The following TENM4 variants were observed in gnomAD, a reference collection of about 807,000 sequenced individuals.
The protein encoded by TENM4 is teneurin transmembrane protein 4.
In TENM4, 82 loss-of-function variants were observed where a neutral mutation model predicts 243.3. That is an observed-to-expected ratio of 0.34 (90% CI 0.28 to 0.40). The LOEUF (loss-of-function observed/expected upper bound fraction) is 0.40, where lower values mean the gene tolerates loss of function less well. Ranked by LOEUF, TENM4 falls within the 10% of genes least tolerant of loss-of-function variation. The probability of loss-of-function intolerance (pLI) is 1.00; values close to 1 mark genes in which losing one functional copy is unlikely to be tolerated. For synonymous variants in TENM4, 1,412 were observed against 1,456.3 expected, an observed-to-expected ratio of 0.97 and a Z score of 0.69; for missense variants, 3,138 against 3,673.3, an observed-to-expected ratio of 0.85 and a Z score of 3.77.
At chr11:79,393,809 C>T (rs1037919203) in intron 1 of TENM4, among the ~76,000 whole-genome samples, 3 of 152,206 alleles carry the variant, frequency 2.0e-5, no homozygotes, top group African/African-American at 7.2e-5. Flanking sequence ...GTGCGTGCTA[C>T]AGTCAGCAGG....
chr11:78,666,246 G>A (rs1858157586), intron 32 of TENM4, among the ~76,000 whole-genome samples: 1 of 152,190 alleles, frequency 6.6e-6, no homozygotes, highest in Admixed American at 6.5e-5. Context: ...TGTAGGATAT[G>A]ACCCACTATG....
chr11:79,332,620 C>A (rs1047187114), intron 1 of TENM4, among the ~76,000 whole-genome samples: 1 of 152,118 alleles, frequency 6.6e-6, no homozygotes, highest in African/African-American at 2.4e-5. Context: ...CCCATCTCAC[C>A]CATTGCTTCA....
At chr11:79,070,376 C>A (rs1860381517) in intron 4 of TENM4, among the ~76,000 whole-genome samples, 1 of 152,154 alleles carries the variant, frequency 6.6e-6, no homozygotes, top group African/African-American at 2.4e-5. Flanking sequence ...TGACCCAGCT[C>A]TGGCCCAGGG....
intron 12 of TENM4, among the ~76,000 whole-genome samples, chr11:78,832,528 A>T (rs1858007824): frequency 6.6e-6 from 1 of 152,280 alleles, no homozygotes; most frequent in Non-Finnish European, 1.5e-5. Context: ...GGCTTTAAAA[A>T]GTAAAATCTA....
At chr11:79,044,893 C>T (rs764496030) in intron 6 of TENM4, among the ~76,000 whole-genome samples, 14 of 152,142 alleles carry the variant, frequency 9.2e-5, no homozygotes, top group Admixed American at 1.3e-4. Context: ...GTGAATAAAG[C>T]GAATAAGGTG....
At chr11:78,738,330 A>G (rs1855846306) in intron 20 of TENM4, 121 bp downstream of exon 20, 2 of 1,343,714 alleles carry the variant, frequency 1.5e-6, no homozygotes, top group East Asian at 5.1e-5. Context: ...TGGGCATTTG[A>G]ATTCAGGCCC....
At chr11:78,781,335 C>T (rs1856833591) in intron 16 of TENM4, among the ~76,000 whole-genome samples, 1 of 152,134 alleles carries the variant, frequency 6.6e-6, no homozygotes, top group Non-Finnish European at 1.5e-5. Flanking sequence ...CAGTAGGCAT[C>T]TTTTCTCTTG....
intron 2 of TENM4, among the ~76,000 whole-genome samples, chr11:79,259,214 G>A (rs534577219): frequency 6.6e-6 from 1 of 152,184 alleles, no homozygotes; most frequent in East Asian, 1.9e-4. Context: ...GCTTGGTCAA[G>A]GATCAAATAA....
intron 6 of TENM4, among the ~76,000 whole-genome samples, chr11:78,979,728 T>C (rs559425376): frequency 6.8e-6 from 1 of 147,376 alleles, no homozygotes; most frequent in East Asian, 1.9e-4. Flanking sequence ...GGGATGGTGG[T>C]AAACAAATGA....
chr11:79,317,915 A>T (rs1856828734), intron 1 of TENM4, among the ~76,000 whole-genome samples: 1 of 152,098 alleles, frequency 6.6e-6, no homozygotes, highest in Non-Finnish European at 1.5e-5. Context: ...GTGGATGGTC[A>T]CTCACAGAGA....
At chr11:79,210,568 C>T (rs1393886206) in intron 3 of TENM4, among the ~76,000 whole-genome samples, 1 of 152,128 alleles carries the variant, frequency 6.6e-6, no homozygotes, top group Non-Finnish European at 1.5e-5. Context: ...CGGTCATGGG[C>T]CTTGAAAGAG....
chr11:79,318,973 C>A (rs1322466703), intron 1 of TENM4, among the ~76,000 whole-genome samples: 2 of 152,184 alleles, frequency 1.3e-5, no homozygotes, highest in Non-Finnish European at 2.9e-5. Flanking sequence ...TCAGCCACAG[C>A]TATAGCTGCA....
chr11:79,267,646 T>C (rs1264050103), intron 2 of TENM4, among the ~76,000 whole-genome samples: 1 of 152,172 alleles, frequency 6.6e-6, no homozygotes, highest in Non-Finnish European at 1.5e-5. Context: ...TGGTATAGAC[T>C]CTCTTAACCT....
chr11:79,434,922 AT>A (rs570305857), intron 1 of TENM4, among the ~76,000 whole-genome samples: 11 of 152,342 alleles, frequency 7.2e-5, no homozygotes, highest in East Asian at 5.8e-4. Flanking sequence ...ATAAAAAAAA[AT>A]AAACACAAAG....
At chr11:78,903,800 A>G (rs1196770781) in intron 6 of TENM4, 2 of 692,098 alleles carry the variant, frequency 2.9e-6, no homozygotes, top group Non-Finnish European at 5.3e-6. Context: ...AAAAAAGACT[A>G]GTTACCCATC....
chr11:78,984,759 T>C (rs2136639865), intron 6 of TENM4, among the ~76,000 whole-genome samples: 1 of 152,332 alleles, frequency 6.6e-6, no homozygotes, highest in South Asian at 2.1e-4. Context: ...AGCTGTGCTG[T>C]CCAATATGGT....
At chr11:79,201,054 C>A (rs1216599824) in intron 3 of TENM4, among the ~76,000 whole-genome samples, 1 of 152,200 alleles carries the variant, frequency 6.6e-6, no homozygotes, top group Admixed American at 6.5e-5. Flanking sequence ...TTTGTTCCAA[C>A]TGGTACAGCG....
rs533651439 is a variant in TENM4, at chr11:79,230,154, G to C, written c.-264-14245C>G. Among the ~76,000 whole-genome samples, 30 of 152,284 alleles carry C rather than the reference G, an allele frequency of 2.0e-4. No homozygotes were observed. The East Asian group carries it at 5.6e-3, about 28-fold the overall frequency. The stretch of plus-strand genomic sequence containing the variant: ...TATAGATCCTGTTTAATGAAGGAAG[G>C]CTTGACAAAGAAGCTGGCATTTTAG... On this transcript the variant is annotated intron_variant, in intron 2 of 33. Coordinates refer to ENST00000278550, the MANE Select transcript of TENM4 (RefSeq NM_001098816.3).
intron 3 of TENM4, among the ~76,000 whole-genome samples, chr11:79,182,589 A>C (rs1863305131): frequency 6.6e-6 from 1 of 152,216 alleles, no homozygotes; most frequent in Admixed American, 6.5e-5. Context: ...TTAAAATTAA[A>C]AACTTATGCT....
Sources: gnomAD v4.1 joint callset for allele counts (sites outside exome capture counted in the v4.1 genomes callset) on GRCh38, gnomAD v4.1.1 for gene constraint, MANE v1.5 for transcripts, NCBI Gene and HGNC (gene_info 2026-07-23, HGNC 2026-07-21) for gene names.